The following KDM3B variants were observed in gnomAD, a reference collection of about 807,000 sequenced individuals.
KDM3B encodes lysine demethylase 3B.
KDM3B carries 10 observed loss-of-function variants against 170.0 expected under a neutral mutation model. The ratio of observed to expected loss-of-function variants is 0.06; its 90% CI spans 0.04 to 0.10. KDM3B has a LOEUF of 0.10. Among genes scored for constraint, KDM3B ranks in the 10% least tolerant of loss-of-function variants. The pLI is 1.00. For missense variants in KDM3B, 1,394 were observed against 2,195.2 expected (o/e 0.64, Z 7.29); for synonymous variants, 831 against 834.8 (o/e 1.00, Z 0.08).
At chr5:138,429,742 A>T in intron 20 of KDM3B, 84 bp from the exon 21 acceptor site, 3 of 1,460,438 alleles carry the variant, frequency 2.1e-6, no homozygotes, top group Non-Finnish European at 2.8e-6. Context: ...AGTAAAACTC[A>T]ATTTATTTAA....
Position 138,436,052 on chromosome 5 carries a change from A to C in KDM3B, c.*352A>C. 3.9e-6 allele frequency: 1 copy of C among 254,788 alleles called. No individual in the cohort carries two copies. The highest frequency in any genetic ancestry group is 9.9e-5 in the East Asian group (1 of 10,110). The allele number at this position is 254,788 out of a possible 1,614,324, so 15.8% of individuals were successfully genotyped here. Reference sequence around the variant, plus strand: ...TTTTCTTTTCCTCTTGTGCCTAGTTAAGTGGAAATGTGTTTGGAGATAGGG... The same window carrying C: ...TTTTCTTTTCCTCTTGTGCCTAGTTCAGTGGAAATGTGTTTGGAGATAGGG... On this transcript the variant is annotated 3_prime_UTR_variant, in exon 24 of 24. Coordinates refer to ENST00000314358, the MANE Select transcript of KDM3B (RefSeq NM_016604.4).
At chr5:138,405,777 G>T (rs1762802935) in intron 11 of KDM3B, among the ~76,000 whole-genome samples, 1 of 151,974 alleles carries the variant, frequency 6.6e-6, no homozygotes, top group South Asian at 2.1e-4. Flanking sequence ...ATATATTTTG[G>T]GGTTTATACT....
intron 11 of KDM3B, among the ~76,000 whole-genome samples, chr5:138,412,646 C>A (rs1324507473): frequency 6.6e-6 from 1 of 151,756 alleles, no homozygotes; most frequent in Non-Finnish European, 1.5e-5. Context: ...AGAGTGAGAC[C>A]CTGTCTCCAA....
chr5:138,412,578 T>C (rs943838760), intron 11 of KDM3B, among the ~76,000 whole-genome samples: 2 of 151,296 alleles, frequency 1.3e-5, no homozygotes, highest in Non-Finnish European at 2.9e-5. Context: ...TATTTAACCC[T>C]GGGAGGTTGA....
chr5:138,366,747 T>C (rs1229159844), intron 1 of KDM3B, among the ~76,000 whole-genome samples: 2 of 152,182 alleles, frequency 1.3e-5, no homozygotes, highest in Non-Finnish European at 2.9e-5. Flanking sequence ...GAACTAGACT[T>C]GTGAGAAACA....
chr5:138,388,098 C>A (rs1762329204), intron 7 of KDM3B, among the ~76,000 whole-genome samples: 1 of 151,354 alleles, frequency 6.6e-6, no homozygotes, highest in Admixed American at 6.6e-5. Context: ...CAAAACAAAA[C>A]AAAAACAACT....
chr5:138,412,647 C>T (rs897226602), intron 11 of KDM3B, among the ~76,000 whole-genome samples: 1 of 151,994 alleles, frequency 6.6e-6, no homozygotes, highest in East Asian at 1.9e-4. Context: ...GAGTGAGACC[C>T]TGTCTCCAAA....
chr5:138,356,111 T>TCAGTTATTATTAA, intron 1 of KDM3B, among the ~76,000 whole-genome samples: 2 of 152,334 alleles, frequency 1.3e-5, no homozygotes, highest in Middle Eastern at 6.8e-3. Flanking sequence ...CATAATTTAT[T>TCAGTTATTATTAA]CAGTTATTCC....
At chr5:138,395,678 G>A (rs929135836) in intron 9 of KDM3B, among the ~76,000 whole-genome samples, 13 of 151,970 alleles carry the variant, frequency 8.6e-5, no homozygotes, top group East Asian at 1.9e-4. Flanking sequence ...GTGCAATGGC[G>A]TGGTCTTGGC....
chr5:138,422,530 C>T (rs1323048662), intron 15 of KDM3B, among the ~76,000 whole-genome samples: 1 of 152,146 alleles, frequency 6.6e-6, no homozygotes, highest in East Asian at 1.9e-4. Flanking sequence ...ATCCCAGCTA[C>T]TCGGGAGGTT....
intron 11 of KDM3B, among the ~76,000 whole-genome samples, chr5:138,409,612 T>C (rs1423827958): frequency 6.6e-6 from 1 of 152,070 alleles, no homozygotes; most frequent in African/African-American, 2.4e-5. Flanking sequence ...TATACCATAT[T>C]TGTGGATCCA....
At chr5:138,425,389 T>G (rs1413187240) in intron 16 of KDM3B, 22 bp from the exon 17 acceptor site, 1 of 1,610,620 alleles carries the variant, frequency 6.2e-7, no homozygotes, top group Non-Finnish European at 8.5e-7. Context: ...TTGCTCTGAT[T>G]GGGATATTTT....
intron 22 of KDM3B, among the ~76,000 whole-genome samples, chr5:138,431,222 T>A (rs1763524807): frequency 6.6e-6 from 1 of 152,162 alleles, no homozygotes; most frequent in Non-Finnish European, 1.5e-5. Context: ...CCTCCCAAAG[T>A]GCTGGGATTA....
chr5:138,398,079 C>A, intron 9 of KDM3B, 99 bp from the exon 10 acceptor site: 1 of 866,594 alleles, frequency 1.2e-6, no homozygotes, highest in Non-Finnish European at 1.8e-6. Flanking sequence ...TAGTCTGATT[C>A]CTGTTGTCTC....
intron 15 of KDM3B, 112 bp downstream of exon 15, chr5:138,421,074 A>T (rs1580949193): frequency 8.0e-7 from 1 of 1,244,310 alleles, no homozygotes; most frequent in Admixed American, 2.0e-5. Flanking sequence ...TACATTGTCA[A>T]GCTGACAAGG....
At chr5:138,418,367 A>G (rs1039327078) in intron 13 of KDM3B, among the ~76,000 whole-genome samples, 6 of 152,160 alleles carry the variant, frequency 3.9e-5, no homozygotes, top group African/African-American at 1.4e-4. Flanking sequence ...GGCATGAGCC[A>G]CCGCACCTGG....
Position 138,420,935 on chromosome 5 carries a change from T to C in KDM3B, c.3945T>C (p.Phe1315=). 6.2e-7 allele frequency: 1 copy of C among 1,613,960 alleles called. No homozygotes were observed. Among genetic ancestry groups the C allele is most frequent in the South Asian group, 1.1e-5 (1 of 91,068 alleles). Residue 1315 remains phenylalanine, a synonymous_variant, in exon 15 of 24, where the codon TTT becomes TTC. Coordinates refer to ENST00000314358, the MANE Select transcript of KDM3B (RefSeq NM_016604.4). ...PQTPLDTGIP[F]PPVFSTSSAG... ...CCCCCTTGGACACAGGCATACCCTT[T>C]CCCCCGGTCTTCTCTACATCCTCAG...
rs769711032 is a variant in KDM3B, at chr5:138,392,050, C to T, written c.2418C>T (p.Cys806=). 1.9e-6 allele frequency: 3 copies of T among 1,614,030 alleles called. No homozygotes were observed. Among genetic ancestry groups the T allele is most frequent in the Non-Finnish European group, 8.5e-7 (1 of 1,179,846 alleles). Residue 806 remains cysteine, a synonymous_variant, in exon 8 of 24, where the codon TGC becomes TGT. Transcript: ENST00000314358. ...CACTGGATGAACGAAGCTTGGCTTGCAGACAAGACTCGGACTCCAGCACCA... is the reference window on the plus strand; with the variant it reads ...CACTGGATGAACGAAGCTTGGCTTGTAGACAAGACTCGGACTCCAGCACCA... ...RFSLDERSLA[C]RQDSDSSTNS... is the part of the protein sequence containing the mutation.
intron 1 of KDM3B, among the ~76,000 whole-genome samples, chr5:138,372,303 G>C (rs1761894960): frequency 6.6e-6 from 1 of 152,180 alleles, no homozygotes; most frequent in Non-Finnish European, 1.5e-5. Flanking sequence ...AGACCAAGAA[G>C]TATGCCAGAT....
Sources: allele counts gnomAD v4.1 joint callset (sites outside exome capture counted in the v4.1 genomes callset), GRCh38; gene constraint gnomAD v4.1.1; transcripts MANE v1.5; gene names NCBI Gene and HGNC (gene_info 2026-07-23, HGNC 2026-07-21).